The following FRY variants were observed in gnomAD, a reference collection of about 807,000 sequenced individuals.
FRY encodes the protein FRY microtubule binding protein.
FRY carries 128 observed loss-of-function variants against 348.4 expected under a neutral mutation model. The observed-to-expected ratio is 0.37, with a 90% confidence interval of 0.32 to 0.43. The LOEUF is 0.43. Among genes scored for constraint, FRY ranks in the 20% least tolerant of loss-of-function variants. FRY has a pLI of 1.00. For synonymous variants in FRY, 1,370 were observed against 1,374.7 expected (o/e 1.00, Z 0.08); for missense variants, 2,736 against 3,695.2 (o/e 0.74, Z 6.73).
rs1555259492 is a variant in FRY at position 32,157,528 on chromosome 13, G to GT, written c.1784+125dup. The GT allele has an allele frequency of 6.2e-4, 471 of 754,240 alleles. 4 individuals are homozygous for GT. In the East Asian group the frequency reaches 0.013, roughly 21 times the overall value. 46.7% of individuals were successfully genotyped at this position (754,240 alleles called of 1,614,324 possible). A position where few individuals can be genotyped will look rare whatever the true frequency, so the allele number is the denominator to read the frequency against. On this transcript the variant is annotated intron_variant, in intron 16 of 60. Transcript: ENST00000542859. The stretch of plus-strand genomic sequence containing the variant: ...AGGGTTCTAAAAAGTAGTAAAGATA[G>GT]TTAAAAAAAAACCTTCACAGTATTT...
intron 2 of FRY, among the ~76,000 whole-genome samples, chr13:32,098,553 G>A (rs1876923949): frequency 6.6e-6 from 1 of 152,028 alleles, no homozygotes; most frequent in Non-Finnish European, 1.5e-5. Flanking sequence ...GCATGTACAG[G>A]GAGAGACACC....
At chr13:32,090,608 T>C (rs1271537169) in intron 2 of FRY, among the ~76,000 whole-genome samples, 1 of 152,002 alleles carries the variant, frequency 6.6e-6, no homozygotes, top group East Asian at 1.9e-4. Context: ...GTTAGAGGGG[T>C]ATATTGGGAC....
intron 11 of FRY, among the ~76,000 whole-genome samples, chr13:32,146,542 G>A (rs1179511324): frequency 2.6e-5 from 4 of 152,044 alleles, no homozygotes; most frequent in Non-Finnish European, 4.4e-5. Context: ...CACCATCTTG[G>A]CCAGGCTGGT....
chr13:32,159,927 A>G (rs969383152), intron 16 of FRY, among the ~76,000 whole-genome samples: 1 of 152,198 alleles, frequency 6.6e-6, no homozygotes, highest in Non-Finnish European at 1.5e-5. Context: ...AGGGTCCTCA[A>G]CAGCTCGTGC....
chr13:32,041,375 C>A (rs1324468745), intron 1 of FRY, among the ~76,000 whole-genome samples: 2 of 143,382 alleles, frequency 1.4e-5, no homozygotes, highest in African/African-American at 5.2e-5. Flanking sequence ...CTCACAGAAA[C>A]CTCTGCGTCC....
At chr13:32,283,886 C>T (rs1049899063) in intron 58 of FRY, among the ~76,000 whole-genome samples, 1 of 152,212 alleles carries the variant, frequency 6.6e-6, no homozygotes, top group Non-Finnish European at 1.5e-5. Context: ...GCATTTCCAA[C>T]TAATGATTTT....
chr13:32,169,264 A>G (rs1244849942), intron 17 of FRY, among the ~76,000 whole-genome samples: 2 of 152,010 alleles, frequency 1.3e-5, no homozygotes, highest in African/African-American at 4.8e-5. Flanking sequence ...CATTCTCCCT[A>G]TTCCTGCCTG....
At chr13:32,062,335 G>A (rs893705123) in intron 1 of FRY, among the ~76,000 whole-genome samples, 5 of 151,992 alleles carry the variant, frequency 3.3e-5, no homozygotes, top group Non-Finnish European at 5.9e-5. Flanking sequence ...GTTACTGACC[G>A]TTAGTGTATT....
At chr13:32,109,082 G>A (rs544880889) in intron 3 of FRY, among the ~76,000 whole-genome samples, 1 of 152,248 alleles carries the variant, frequency 6.6e-6, no homozygotes, top group Admixed American at 6.5e-5. Flanking sequence ...AAGATTCTAA[G>A]CTAAAGGGGC....
intron 1 of FRY, among the ~76,000 whole-genome samples, chr13:32,067,479 A>G (rs995673975): frequency 2.0e-5 from 3 of 152,182 alleles, no homozygotes; most frequent in East Asian, 1.9e-4. Flanking sequence ...AGAAGTGAAG[A>G]TACAACTGGA....
chr13:32,053,130 G>A (rs1873434531), intron 1 of FRY, among the ~76,000 whole-genome samples: 4 of 151,842 alleles, frequency 2.6e-5, no homozygotes, highest in Non-Finnish European at 5.9e-5. Flanking sequence ...AAAAAATTAA[G>A]TTCCTTAGTA....
chr13:32,141,817 T>A (rs1880091588), intron 11 of FRY, among the ~76,000 whole-genome samples: 1 of 152,182 alleles, frequency 6.6e-6, no homozygotes, highest in Admixed American at 6.5e-5. Context: ...TGTTATTAGA[T>A]AGGCTGACAC....
Position 32,209,041 on chromosome 13 carries a change from G to A in FRY, c.4207G>A (p.Gly1403Arg), listed in dbSNP as rs1281009939. 1.2e-6 allele frequency: 2 copies of A among 1,614,138 alleles called. No homozygotes were observed. Among genetic ancestry groups the A allele is most frequent in the East Asian group, 2.2e-5 (1 of 44,878 alleles). The change falls in exon 32 of 61, where the codon GGA (glycine) becomes AGA (arginine). Residue 1403 changes from glycine to arginine, a missense_variant. Physicochemically the swap from Gly to Arg is moderately radical, Grantham distance 125. Coordinates refer to ENST00000542859, the MANE Select transcript of FRY (RefSeq NM_023037.3). ...GDVTASHGLRGNGWGSPEATS... is the reference protein window; with the variant it reads ...GDVTASHGLRRNGWGSPEATS... ...CGTGACTGCTTCTCACGGGCTGAGA[G>A]GAAATGGCTGGGGCTCTCCAGAAGC...
intron 11 of FRY, among the ~76,000 whole-genome samples, chr13:32,138,666 T>C (rs1331111859): frequency 2.0e-5 from 3 of 151,980 alleles, no homozygotes; most frequent in African/African-American, 7.3e-5. Flanking sequence ...GGATGTAGAG[T>C]GAATGCTATA....
intron 58 of FRY, among the ~76,000 whole-genome samples, chr13:32,280,231 G>C (rs986863469): frequency 6.6e-6 from 1 of 152,112 alleles, no homozygotes; most frequent in African/African-American, 2.4e-5. Context: ...ATAATAACTA[G>C]TTTGCATATA....
chr13:32,225,662 A>T (rs537860466), intron 38 of FRY, 127 bp from the exon 39 acceptor site: 2 of 832,944 alleles, frequency 2.4e-6, no homozygotes, highest in South Asian at 2.7e-5. Context: ...GGTAACCCAA[A>T]CAATAACAAA....
At chr13:32,207,253 T>C (rs572260264) in intron 31 of FRY, among the ~76,000 whole-genome samples, 1 of 152,316 alleles carries the variant, frequency 6.6e-6, no homozygotes, top group South Asian at 2.1e-4. Flanking sequence ...TGGGATTTTT[T>C]CCCCCATCTT....
intron 3 of FRY, among the ~76,000 whole-genome samples, chr13:32,116,308 A>G (rs918717513): frequency 3.3e-5 from 5 of 152,078 alleles, no homozygotes; most frequent in African/African-American, 1.2e-4. Context: ...TTGCTTATAC[A>G]GTTTGTTGAT....
rs114097884 is a variant in FRY, at chr13:32,209,031, C to T, written c.4197C>T (p.His1399=). 2.2e-3 allele frequency: 3,504 copies of T among 1,614,060 alleles called. 56 individuals are homozygous for T. The African/African-American group carries it at 0.041, about 19-fold the overall frequency. Residue 1399 remains histidine, a synonymous_variant, in exon 32 of 61, where the codon CAC becomes CAT. Coordinates refer to ENST00000542859, the MANE Select transcript of FRY (RefSeq NM_023037.3). ...KDREGDVTAS[H]GLRGNGWGSP... ...GGGAAGGTGACGTGACTGCTTCTCA[C>T]GGGCTGAGAGGAAATGGCTGGGGCT...
Sources: allele counts gnomAD v4.1 joint callset (sites outside exome capture counted in the v4.1 genomes callset), GRCh38; gene constraint gnomAD v4.1.1; transcripts MANE v1.5; gene names NCBI Gene and HGNC (gene_info 2026-07-23, HGNC 2026-07-21).